Variants in EML3 observed in about 807,000 individuals in gnomAD.
EML3 encodes EMAP like 3.
A neutral mutation model predicts 106.7 loss-of-function variants in EML3; 53 were observed. That is an observed-to-expected ratio of 0.50 (90% CI 0.40 to 0.62). EML3 has a LOEUF of 0.62. Among genes scored for constraint, EML3 ranks in the 20% least tolerant of loss-of-function variants. EML3 has a pLI of 0.00. For synonymous variants in EML3, 499 were observed against 489.6 expected, an observed-to-expected ratio of 1.02 and a Z score of -0.25; for missense variants, 994 against 1,209.1, an observed-to-expected ratio of 0.82 and a Z score of 2.64.
rs12798970 is a variant in EML3, at chr11:62,612,647, C to G, written c.-190G>C. 312,234 of 459,038 alleles carry G rather than the reference C, an allele frequency of 0.68. 108,064 individuals are homozygous for G. Among genetic ancestry groups the G allele is most frequent in the East Asian group, 0.95 (24,494 of 25,796 alleles). The allele number at this position is 459,038 out of a possible 1,614,324, so 28.4% of individuals were successfully genotyped here. A position where few individuals can be genotyped will look rare whatever the true frequency, so the allele number is the denominator to read the frequency against. On this transcript the variant is annotated 5_prime_UTR_variant, in exon 1 of 22. Coordinates refer to ENST00000394773, the MANE Select transcript of EML3 (RefSeq NM_153265.3). ...GGCGCTGTGGGCCCGGGGCCGCAGT[C>G]TCCAGACCCCCCCGGGCCCTCGGAC...
chr11:62,605,880 G>A lies in EML3; in HGVS notation c.1757C>T (p.Ala586Val). The change falls in exon 14 of 22, where the codon GCC (alanine) becomes GTC (valine). Residue 586 changes from alanine (A) to valine (V), a missense_variant. Around this residue, in one of 3 missense-constraint regions of EML3, gnomAD observed 713 missense variants for 920.5 expected, o/e 0.77. Coordinates refer to ENST00000394773, the MANE Select transcript of EML3 (RefSeq NM_153265.3). The surrounding 1 kb of genome is among the most constrained non-coding windows in gnomAD (Gnocchi z 5.2). Reference sequence around the variant, plus strand: ...CTGGATTACAGGGGAGAAGCCCTGGGCCAGGTCTCCCCTCAGCAATGCATT... The same window carrying A: ...CTGGATTACAGGGGAGAAGCCCTGGACCAGGTCTCCCCTCAGCAATGCATT... ...TKNALLRGDLAQGFSPVIQGH... is the reference protein window; with the variant it reads ...TKNALLRGDLVQGFSPVIQGH... 6.2e-7 allele frequency: 1 copy of A among 1,614,188 alleles called. No homozygotes were observed. Among genetic ancestry groups the A allele is most frequent in the Non-Finnish European group, 8.5e-7 (1 of 1,180,036 alleles).
chr11:62,612,568 C>G lies in EML3; in HGVS notation c.-111G>C. The G allele has an allele frequency of 9.0e-7, 1 of 1,105,796 alleles. No individual in the cohort carries two copies. The highest frequency in any genetic ancestry group is 2.5e-5 in the South Asian group (1 of 40,526). 68.5% of individuals were successfully genotyped at this position (1,105,796 alleles called of 1,614,324 possible). ...CACCCCGGGGCGCGCGCGAAGGGCG[C>G]CGTACCACCACCCCGAGGGGGCGCT... On this transcript the variant is annotated 5_prime_UTR_variant, in exon 1 of 22. Transcript: ENST00000394773.
rs140915975 is a variant in EML3, at chr11:62,610,958, A to G, written c.487T>C (p.Ser163Pro). Residue 163 changes from serine to proline, a missense_variant, in exon 4 of 22, where the codon TCA (serine) becomes CCA (proline). By Grantham distance (74) the Ser-to-Pro change is moderately conservative. This residue lies in a region of EML3 where 269 missense variants were observed against 265.1 expected (regional missense o/e 1.01). Coordinates refer to ENST00000394773, the MANE Select transcript of EML3 (RefSeq NM_153265.3). ...GAGAGCTTCTGCCGAGGCCGCTCTG[A>G]GGGGGATGAGGAGGAGGAAGAATTT... ...RRNSSSSSSP[S>P]ERPRQKLSRK... 85 of 1,613,636 alleles carry G rather than the reference A, an allele frequency of 5.3e-5. No homozygotes were observed. The highest frequency in any genetic ancestry group is 2.1e-5 in the Non-Finnish European group (25 of 1,179,960).
intron 5 of EML3, 55 bp from the exon 6 acceptor site, chr11:62,609,532 A>G: frequency 1.0e-5 from 16 of 1,550,446 alleles, no homozygotes; most frequent in Non-Finnish European, 1.4e-5. Context: ...ACAGAGCAGA[A>G]CCCTACCCAC....
intron 20 of EML3, 41 bp downstream of exon 20, chr11:62,603,108 T>C: frequency 6.2e-7 from 1 of 1,609,846 alleles, no homozygotes. Context: ...GGCTCCACCT[T>C]GTCCCCCACC....
At chr11:62,609,302 G>C in intron 6 of EML3, 52 bp downstream of exon 6, 1 of 1,538,150 alleles carries the variant, frequency 6.5e-7, no homozygotes, top group Non-Finnish European at 8.7e-7. Context: ...AAGGTAAGAG[G>C]GGTCCCAAGG....
At position 62,611,652 on chromosome 11, in the gene EML3, AG is replaced by A. The variant is rs1476131833; in HGVS notation, c.23-57del. The A allele has an allele frequency of 3.9e-6, 6 of 1,543,132 alleles. No homozygotes were observed. The African/African-American group carries it at 4.1e-5, about 11-fold the overall frequency. On this transcript the variant is annotated intron_variant, in intron 1 of 21. Coordinates refer to ENST00000394773, the MANE Select transcript of EML3 (RefSeq NM_153265.3). ...TACCCATCACCTGAAGAAAGCGTAGAGGGGATTCTGTCTCCCCACAACTTTA... is the reference window on the plus strand; with the variant it reads ...TACCCATCACCTGAAGAAAGCGTAGAGGGATTCTGTCTCCCCACAACTTTA...
rs1333577614 is a variant in EML3, at chr11:62,612,598, G to A, written c.-141C>T. On this transcript the variant is annotated 5_prime_UTR_variant, in exon 1 of 22. Transcript: ENST00000394773. ...CCACCACCCCGAGGGGGCGCTGTCG[G>A]GCGCGGGGAAGGGGCCTGGAGGGGG... 5.9e-6 allele frequency: 5 copies of A among 848,950 alleles called. No homozygotes were observed. Among genetic ancestry groups the A allele is most frequent in the Non-Finnish European group, 8.0e-6 (5 of 621,436 alleles). 52.6% of individuals were successfully genotyped at this position (848,950 alleles called of 1,614,324 possible). A position where few individuals can be genotyped will look rare whatever the true frequency, so the allele number is the denominator to read the frequency against.
rs1018906609 is a variant in EML3 at position 62,611,687 on chromosome 11, C to T, written c.23-91G>A. 1.1e-5 allele frequency: 16 copies of T among 1,408,684 alleles called. No individual in the cohort carries two copies. In the African/African-American group the frequency reaches 1.9e-4, roughly 16 times the overall value. The allele number at this position is 1,408,684 out of a possible 1,614,324, so 87.3% of individuals were successfully genotyped here. A position where few individuals can be genotyped will look rare whatever the true frequency, so the allele number is the denominator to read the frequency against. On this transcript the variant is annotated intron_variant, in intron 1 of 21. Transcript: ENST00000394773. ...GTCTCCCCACAACTTTACATGTGTCCGGTAGGACTGCCCCTTTCAGGCAGC... is the reference window on the plus strand; with the variant it reads ...GTCTCCCCACAACTTTACATGTGTCTGGTAGGACTGCCCCTTTCAGGCAGC...
chr11:62,604,944 G>A (rs1012571816), intron 16 of EML3, 169 bp downstream of exon 16: 2 of 512,762 alleles, frequency 3.9e-6, no homozygotes, highest in East Asian at 7.5e-5. Context: ...AGTTACCACA[G>A]AAGAGGAGGG....
Position 62,605,305 on chromosome 11 carries a change from G to A in EML3, c.1915-125C>T, listed in dbSNP as rs987714119. On this transcript the variant is annotated intron_variant, in intron 15 of 21. Transcript: ENST00000394773. This position sits in a 1 kb window ranked among gnomAD's most constrained non-coding sequence, Gnocchi z 5.2. ...GGAGAAGATGGGAAGAGAGGGAAGG[G>A]ATACCCGGGTATCACTGGAGCCTGA... 4 of 966,404 alleles carry A rather than the reference G, an allele frequency of 4.1e-6. No homozygotes were observed. In the South Asian group the frequency reaches 6.8e-5, roughly 16 times the overall value. 59.9% of individuals were successfully genotyped at this position (966,404 alleles called of 1,614,324 possible).
rs1389186841 is a variant in EML3, at chr11:62,606,529, C to T, written c.1505-315G>A. 4 of 405,584 alleles carry T rather than the reference C, an allele frequency of 9.9e-6. No individual in the cohort carries two copies. In the East Asian group the frequency reaches 1.8e-4, roughly 18 times the overall value. The allele number at this position is 405,584 out of a possible 1,614,324, so 25.1% of individuals were successfully genotyped here. On this transcript the variant is annotated intron_variant, in intron 12 of 21. Coordinates refer to ENST00000394773, the MANE Select transcript of EML3 (RefSeq NM_153265.3). ...TGCTGCCCACACGCTTCTAGACTAG[C>T]CCCCAAGAGAACTATCAACTCTCAA...
chr11:62,611,224 T>C lies in EML3; in HGVS notation c.315A>G (p.Gly105=). Residue 105 remains glycine (G), a synonymous_variant, in exon 3 of 22, where the codon GGA becomes GGG. Coordinates refer to ENST00000394773, the MANE Select transcript of EML3 (RefSeq NM_153265.3). ...CGCTGGCCCCCTGAGGGGCTGGGGG[T>C]CCATTGCTCAGGCCAGGGGGTCCAG... ...SSPGPPGLSN[G]PPAPQGASEE... 1 of 1,611,046 alleles carries C rather than the reference T, an allele frequency of 6.2e-7. No individual in the cohort carries two copies. The highest frequency in any genetic ancestry group is 8.5e-7 in the Non-Finnish European group (1 of 1,179,444).
intron 12 of EML3, among the ~76,000 whole-genome samples, chr11:62,606,737 C>T (rs537392443): frequency 6.6e-6 from 1 of 152,218 alleles, no homozygotes; most frequent in South Asian, 2.1e-4. Flanking sequence ...TGTGCCTGTA[C>T]TTCCAGCTAC....
In EML3 at chr11:62,603,245, C is replaced by T; in HGVS notation, c.2260G>A (p.Asp754Asn). The change falls in exon 20 of 22, where the codon GAC becomes AAC. Residue 754 changes from aspartate (D) to asparagine (N), a missense_variant and splice_region_variant. Coordinates refer to ENST00000394773, the MANE Select transcript of EML3 (RefSeq NM_153265.3). ...NSGDYEILYW[D>N]VAGGCKQLKN... ...AGCTGCTTGCAGCCTCCAGCCACGTCCCCTGGGGAGAGGGAGCCCGCCCAG... is the reference window on the plus strand; with the variant it reads ...AGCTGCTTGCAGCCTCCAGCCACGTTCCCTGGGGAGAGGGAGCCCGCCCAG... 1.2e-6 allele frequency: 2 copies of T among 1,613,346 alleles called. No homozygotes were observed. Among genetic ancestry groups the T allele is most frequent in the South Asian group, 1.1e-5 (1 of 91,086 alleles).
Position 62,604,170 on chromosome 11 carries a change from T to C in EML3, c.2014A>G (p.Ile672Val). 1 of 1,612,912 alleles carries C rather than the reference T, an allele frequency of 6.2e-7. No homozygotes were observed. The highest frequency in any genetic ancestry group is 8.5e-7 in the Non-Finnish European group (1 of 1,179,768). ...WLVLDTETRE[I>V]VSDVIDGNEQ... ...TTGCCATCAATGACATCAGACACGA[T>C]CTCTCTGGTCTCTGTGTCCAAAACC... Residue 672 changes from isoleucine (I) to valine (V), a missense_variant, in exon 17 of 22, where the codon ATC becomes GTC. By Grantham distance (29) the Ile-to-Val change is conservative. Coordinates refer to ENST00000394773, the MANE Select transcript of EML3 (RefSeq NM_153265.3).
Position 62,608,987 on chromosome 11 carries a change from G to C in EML3, c.904C>G (p.Arg302Gly), listed in dbSNP as rs954315736. The change falls in exon 7 of 22, where the codon CGG becomes GGG. Residue 302 changes from arginine to glycine, a missense_variant. Physicochemically the swap from Arg to Gly is moderately radical, Grantham distance 125 (BLOSUM62 -2). Coordinates refer to ENST00000394773, the MANE Select transcript of EML3 (RefSeq NM_153265.3). Reference sequence around the variant, plus strand: ...CATCGAACGCAGTCTGTGTGCCCCCGGTAATGTCTCTGGCCGCCACCTCCA... The same window carrying C: ...CATCGAACGCAGTCTGTGTGCCCCCCGTAATGTCTCTGGCCGCCACCTCCA... ...GPGGGGQRHY[R>G]GHTDCVRCLA... 2 of 1,613,896 alleles carry C rather than the reference G, an allele frequency of 1.2e-6. No homozygotes were observed. The highest frequency in any genetic ancestry group is 1.3e-5 in the African/African-American group (1 of 75,010).
At chr11:62,611,639 G>A in intron 1 of EML3, 43 bp from the exon 2 acceptor site, 2 of 1,579,020 alleles carry the variant, frequency 1.3e-6, no homozygotes, top group Non-Finnish European at 1.7e-6. Context: ...CCCATCACCT[G>A]AAGAAAGCGT....
In EML3 at chr11:62,602,607, G is replaced by A. The variant is rs201301483; in HGVS notation, c.2559C>T (p.His853=). The A allele has an allele frequency of 5.7e-6, 9 of 1,567,316 alleles. No individual in the cohort carries two copies. In the East Asian group the frequency reaches 2.1e-4, roughly 37 times the overall value. ...CGTCCTTGCCGCCCAGCGAGACGAG[G>A]TGCGAGTCGTCGTGCGTGAATCGGA... ...TSVRFTHDDS[H]LVSLGGKDAS... Residue 853 remains histidine (H), a synonymous_variant, in exon 22 of 22, where the codon CAC becomes CAT. Coordinates refer to ENST00000394773, the MANE Select transcript of EML3 (RefSeq NM_153265.3).
Sources: gnomAD v4.1 joint callset for allele counts (sites outside exome capture counted in the v4.1 genomes callset) on GRCh38, gnomAD v4.1.1 for gene constraint, gnomAD v4.1.1 regional missense constraint, Gnocchi (gnomAD v3.1) non-coding constraint, MANE v1.5 for transcripts, NCBI Gene and HGNC (gene_info 2026-07-23, HGNC 2026-07-21) for gene names.